PVALB: variants seen among roughly 807,000 people sequenced by gnomAD.
The protein encoded by PVALB is parvalbumin alpha.
In PVALB, 11 loss-of-function variants were observed where a neutral mutation model predicts 10.9. The observed-to-expected ratio is 1.01, with a 90% confidence interval of 0.63 to 1.67. PVALB has a LOEUF of 1.67. PVALB is among the 40% of genes most tolerant of loss of function. The probability of loss-of-function intolerance (pLI) is 0.00; values close to 1 mark genes in which losing one functional copy is unlikely to be tolerated. For missense variants in PVALB, 131 were observed against 136.2 expected, an observed-to-expected ratio of 0.96 and a Z score of 0.19; for synonymous variants, 57 against 50.7, an observed-to-expected ratio of 1.12 and a Z score of -0.53.
At chr22:36,801,839 T>G (rs1601517001) in intron 3 of PVALB, among the ~76,000 whole-genome samples, 2 of 151,154 alleles carry the variant, frequency 1.3e-5, no homozygotes, top group African/African-American at 4.9e-5. Context: ...GAAAATGGAG[T>G]GTTGTGATGT....
upstream of PVALB, chr22:36,817,100 G>GCGCCGGGCGCACGCC: frequency 8.3e-7 from 1 of 1,203,392 alleles, no homozygotes; most frequent in Non-Finnish European, 1.1e-6. Flanking sequence ...GCAGTGCTGC[G>GCGCCGGGCGCACGCC]CGCCGGGCGC....
At chr22:36,817,082 C>T (rs992678885), upstream of PVALB, 27 of 1,417,254 alleles carry the variant, frequency 1.9e-5, no homozygotes, top group Admixed American at 3.2e-4. Flanking sequence ...GCTCATATGA[C>T]CAGCGCTGCA....
At chr22:36,801,672 C>T (rs537708864) in intron 3 of PVALB, among the ~76,000 whole-genome samples, 83 of 152,216 alleles carry the variant, frequency 5.5e-4, no homozygotes, top group Non-Finnish European at 9.0e-4. Context: ...TGGTGGCGGA[C>T]GCCTGTAATC....
chr22:36,817,141 G>C (rs925234085), upstream of PVALB: 3 of 734,658 alleles, frequency 4.1e-6, no homozygotes, highest in African/African-American at 3.8e-5. Context: ...GGCGCCAGGG[G>C]CCCGGACTCT....
At chr22:36,806,332 G>A (rs77777878) in intron 3 of PVALB, among the ~76,000 whole-genome samples, 1 of 152,178 alleles carries the variant, frequency 6.6e-6, no homozygotes, top group Non-Finnish European at 1.5e-5. Flanking sequence ...TGGGAAGGAG[G>A]CAGCAGAGGG....
At chr22:36,803,210 GCT>G (rs1170212781) in intron 3 of PVALB, among the ~76,000 whole-genome samples, 1 of 152,170 alleles carries the variant, frequency 6.6e-6, no homozygotes, top group East Asian at 1.9e-4. Flanking sequence ...AGCTAGAAAT[GCT>G]CTTAGGCTTC....
chr22:36,813,752 G>A lies in PVALB; in HGVS notation c.198C>T (p.Phe66=). 6.2e-7 allele frequency: 1 copy of A among 1,609,066 alleles called. No individual in the cohort carries two copies. The highest frequency in any genetic ancestry group is 8.5e-7 in the Non-Finnish European group (1 of 1,175,432). ...CATCTGGGGAGAAGCCTTTTAGGAT[G>A]AATCTGGAGGAGAAAAGGGAGAAAG... ...SGFIEEDELG[F]ILKGFSPDAR... is the part of the protein sequence containing the mutation. Residue 66 remains phenylalanine (F), a synonymous_variant, in exon 3 of 4, where the codon TTC becomes TTT. Coordinates refer to ENST00000417718, the MANE Select transcript of PVALB (RefSeq NM_001315532.2).
chr22:36,811,601 A>C, intron 3 of PVALB: 1 of 457,920 alleles, frequency 2.2e-6, no homozygotes, highest in African/African-American at 2.0e-5. Context: ...GAACTGGGCC[A>C]GGTTTGGCTG....
chr22:36,810,182 A>G (rs965566082), intron 3 of PVALB, among the ~76,000 whole-genome samples: 2 of 152,080 alleles, frequency 1.3e-5, no homozygotes, highest in Admixed American at 1.3e-4. Flanking sequence ...TGCGCCCGGC[A>G]TGCCCCATGG....
intron 3 of PVALB, among the ~76,000 whole-genome samples, chr22:36,803,121 G>C (rs187870908): frequency 1.3e-5 from 2 of 152,176 alleles, no homozygotes; most frequent in African/African-American, 2.4e-5. Context: ...TACTCCATGG[G>C]AGAGACACCT....
chr22:36,801,910 G>T (rs906768135), intron 3 of PVALB, among the ~76,000 whole-genome samples: 4 of 152,204 alleles, frequency 2.6e-5, no homozygotes, highest in African/African-American at 9.6e-5. Context: ...GGCCCTATTT[G>T]CTGGAAAATG....
At chr22:36,816,872 G>C (rs1221374013) in intron 1 of PVALB, 73 bp downstream of exon 1, 4 of 1,334,260 alleles carry the variant, frequency 3.0e-6, no homozygotes, top group African/African-American at 3.1e-5. Context: ...CGCCGGCTGC[G>C]GGGCCGGCGG....
chr22:36,817,361 G>C, upstream of PVALB: 1 of 187,554 alleles, frequency 5.3e-6, no homozygotes, highest in Non-Finnish European at 1.1e-5. Context: ...TCCACCTGCC[G>C]TCAAGGACAC....
Position 36,807,293 on chromosome 22 carries a change from T to C in PVALB, c.304+6353A>G, listed in dbSNP as rs1013035884. ...AAGTCTCTCAGTGGGCATCACAGTG[T>C]CCCCTAAACCTCATTGAGCTGGTAC... On this transcript the variant is annotated intron_variant, in intron 3 of 3. Coordinates refer to ENST00000417718, the MANE Select transcript of PVALB (RefSeq NM_001315532.2). Among the ~76,000 whole-genome samples the C allele has an allele frequency of 4.6e-5, 7 of 152,030 alleles. No individual in the cohort carries two copies. In the South Asian group the frequency reaches 6.2e-4, roughly 14 times the overall value.
chr22:36,813,621 C>G (rs989928144), intron 3 of PVALB, 25 bp downstream of exon 3: 2 of 1,565,618 alleles, frequency 1.3e-6, no homozygotes, highest in East Asian at 2.2e-5. Flanking sequence ...ACAATATGCC[C>G]AGACCCCAGG....
Position 36,804,259 on chromosome 22 carries a change from G to A in PVALB, c.305-3341C>T, listed in dbSNP as rs1938917089. Reference sequence around the variant, plus strand: ...CGGGATTTGGTGCAGCTGGTGTGACGGGGACCCAGGGACACCAATGAGGGA... The same window carrying A: ...CGGGATTTGGTGCAGCTGGTGTGACAGGGACCCAGGGACACCAATGAGGGA... On this transcript the variant is annotated intron_variant, in intron 3 of 3. Coordinates refer to ENST00000417718, the MANE Select transcript of PVALB (RefSeq NM_001315532.2). Among the ~76,000 whole-genome samples, 6 of 152,162 alleles carry A rather than the reference G, an allele frequency of 3.9e-5. No individual in the cohort carries two copies. The South Asian group carries it at 1.0e-3, about 26-fold the overall frequency.
Position 36,800,876 on chromosome 22 carries a change from G to A in PVALB, c.*14C>T. 6.2e-7 allele frequency: 1 copy of A among 1,605,026 alleles called. No homozygotes were observed. ...AGGGCAGAGAGGTGGAAGACCAGGGGCAGTCAGTGCTTCTTAGCTTTCAGC... is the reference window on the plus strand; with the variant it reads ...AGGGCAGAGAGGTGGAAGACCAGGGACAGTCAGTGCTTCTTAGCTTTCAGC... On this transcript the variant is annotated 3_prime_UTR_variant, in exon 4 of 4. Coordinates refer to ENST00000417718, the MANE Select transcript of PVALB (RefSeq NM_001315532.2).
intron 3 of PVALB, among the ~76,000 whole-genome samples, chr22:36,801,684 C>G (rs1244512777): frequency 2.0e-5 from 3 of 152,278 alleles, no homozygotes; most frequent in East Asian, 3.9e-4. Context: ...CCTGTAATCC[C>G]AGCTACTCCA....
chr22:36,811,359 CA>C (rs1230118638), intron 3 of PVALB: 3 of 388,968 alleles, frequency 7.7e-6, no homozygotes, highest in Admixed American at 5.8e-5. Flanking sequence ...CTGGGCACTA[CA>C]GGCCACATTT....
Sources: gnomAD v4.1 joint callset for allele counts (sites outside exome capture counted in the v4.1 genomes callset) on GRCh38, gnomAD v4.1.1 for gene constraint, MANE v1.5 for transcripts, NCBI Gene and HGNC (gene_info 2026-07-23, HGNC 2026-07-21) for gene names.